The following LOC400499 variants were observed in gnomAD, a reference collection of about 807,000 sequenced individuals.
chr16:11,509,231 C>A, the LOC400499 span, among the ~76,000 whole-genome samples: 2 of 151,250 alleles, frequency 1.3e-5, no homozygotes, highest in South Asian at 2.1e-4. Context: ...CGTTCTCCTG[C>A]CTCGGCTTCC....
the LOC400499 span, among the ~76,000 whole-genome samples, chr16:11,500,536 A>AATAATAATAATAATC: frequency 1.3e-5 from 2 of 150,826 alleles, no homozygotes; most frequent in African/African-American, 2.4e-5. Context: ...TAATAATAAT[A>AATAATAATAATAATC]ATCAGAAAAG....
At chr16:11,425,634 C>T in the LOC400499 span, among the ~76,000 whole-genome samples, 1 of 152,102 alleles carries the variant, frequency 6.6e-6, no homozygotes, top group African/African-American at 2.4e-5. Flanking sequence ...ATCAAGCGAC[C>T]TAATTCGCAA....
At chr16:11,378,189 G>A in the LOC400499 span, among the ~76,000 whole-genome samples, 12 of 151,064 alleles carry the variant, frequency 7.9e-5, no homozygotes, top group South Asian at 8.3e-4. Context: ...TCCTGGCCTC[G>A]GCCTTCCAAG....
chr16:11,428,545 G>A, the LOC400499 span, among the ~76,000 whole-genome samples: 5 of 152,162 alleles, frequency 3.3e-5, no homozygotes, highest in Middle Eastern at 3.2e-3. Context: ...TGACCATGGC[G>A]CTGGTGGGAA....
the LOC400499 span, chr16:11,523,281 G>C: frequency 2.5e-6 from 1 of 397,096 alleles, no homozygotes; most frequent in Non-Finnish European, 4.4e-6. Context: ...CTCCCAACTG[G>C]TATCTTTGGG....
At chr16:11,468,870 G>A in the LOC400499 span, among the ~76,000 whole-genome samples, 1 of 152,298 alleles carries the variant, frequency 6.6e-6, no homozygotes, top group African/African-American at 2.4e-5. Context: ...CAGGTGATCT[G>A]CCCGCTTCGA....
the LOC400499 span, among the ~76,000 whole-genome samples, chr16:11,465,904 G>C: frequency 6.6e-6 from 1 of 151,840 alleles, no homozygotes. Context: ...GGAAAGAAAA[G>C]GAAGAAAGGA....
the LOC400499 span, chr16:11,442,588 G>A: frequency 6.6e-6 from 1 of 152,180 alleles, no homozygotes; most frequent in Non-Finnish European, 1.5e-5. Context: ...CATTTACTCA[G>A]TCAGACCCTG....
chr16:11,374,812 A>C, the LOC400499 span, among the ~76,000 whole-genome samples: 1 of 152,164 alleles, frequency 6.6e-6, no homozygotes, highest in Non-Finnish European at 1.5e-5. Flanking sequence ...TTTGAATTTT[A>C]GGGGATCCAT....
the LOC400499 span, among the ~76,000 whole-genome samples, chr16:11,382,440 T>C: frequency 6.6e-5 from 10 of 152,208 alleles, no homozygotes; most frequent in Non-Finnish European, 1.5e-4. Flanking sequence ...GTGGGAATCA[T>C]ACGCAGCACT....
the LOC400499 span, among the ~76,000 whole-genome samples, chr16:11,420,011 T>A: frequency 6.7e-6 from 1 of 150,228 alleles, no homozygotes; most frequent in African/African-American, 2.5e-5. Flanking sequence ...GTAAACTAGT[T>A]CAACCATTGT....
the LOC400499 span, among the ~76,000 whole-genome samples, chr16:11,489,822 AT>A: frequency 6.6e-6 from 1 of 152,346 alleles, no homozygotes; most frequent in African/African-American, 2.4e-5. Flanking sequence ...GCAACGTCAC[AT>A]CAGACTTTTA....
At chr16:11,487,091 A>G in the LOC400499 span, among the ~76,000 whole-genome samples, 9 of 152,078 alleles carry the variant, frequency 5.9e-5, no homozygotes, top group South Asian at 1.9e-3. Context: ...ATGTAGGTGA[A>G]TTGATAGATG....
the LOC400499 span, chr16:11,472,502 C>G: frequency 3.9e-5 from 6 of 152,166 alleles, 1 homozygote; most frequent in Non-Finnish European, 8.8e-5. Flanking sequence ...CCCTGGTAGA[C>G]TTTTTAAAAA....
the LOC400499 span, chr16:11,469,204 G>C: frequency 2.5e-6 from 1 of 399,600 alleles, no homozygotes. Context: ...CTGTCATCCA[G>C]CACCAGCTCC....
chr16:11,425,321 C>G, the LOC400499 span: 1 of 399,278 alleles, frequency 2.5e-6, no homozygotes, highest in Non-Finnish European at 4.4e-6. Context: ...GGCTGCTGTT[C>G]TGGGCAAGGA....
At chr16:11,376,169 ACT>A in the LOC400499 span, among the ~76,000 whole-genome samples, 1 of 151,974 alleles carries the variant, frequency 6.6e-6, no homozygotes, top group Non-Finnish European at 1.5e-5. Flanking sequence ...ACGCCTTTTC[ACT>A]CTGTTAATAG....
chr16:11,375,950 G>C, the LOC400499 span, among the ~76,000 whole-genome samples: 1 of 152,090 alleles, frequency 6.6e-6, no homozygotes, highest in African/African-American at 2.4e-5. Context: ...ACATGTTGAG[G>C]CTGGTCTCGA....
chr16:11,525,042 T>G, the LOC400499 span, among the ~76,000 whole-genome samples: 1 of 152,218 alleles, frequency 6.6e-6, no homozygotes, highest in East Asian at 1.9e-4. Flanking sequence ...CCCAGTACTT[T>G]GGGAAGCTGA....
Sources: gnomAD v4.1 joint callset for allele counts (sites outside exome capture counted in the v4.1 genomes callset) on GRCh38, gnomAD v4.1.1 for gene constraint, MANE v1.5 for transcripts.